TSPAN14: variants seen among roughly 807,000 people sequenced by gnomAD.
The protein encoded by TSPAN14 is tetraspanin-14.
Under a neutral mutation model 36.6 loss-of-function variants are expected in TSPAN14, and 16 were observed. The ratio of observed to expected loss-of-function variants is 0.44; its 90% CI spans 0.30 to 0.66. TSPAN14 has a LOEUF of 0.66. TSPAN14 is among the 30% of genes least tolerant of loss of function. TSPAN14 has a pLI of 0.12. For synonymous variants in TSPAN14, 139 were observed against 143.8 expected, an observed-to-expected ratio of 0.97 and a Z score of 0.24; for missense variants, 231 against 355.1, an observed-to-expected ratio of 0.65 and a Z score of 2.81.
chr10:80,484,071 C>A (rs1229105403), intron 1 of TSPAN14, among the ~76,000 whole-genome samples: 1 of 151,360 alleles, frequency 6.6e-6, no homozygotes, highest in Non-Finnish European at 1.5e-5. Context: ...ATGATGAAAC[C>A]CCGTTTGTAC....
At chr10:80,479,478 A>G (rs1198236873) in intron 1 of TSPAN14, among the ~76,000 whole-genome samples, 1 of 152,244 alleles carries the variant, frequency 6.6e-6, no homozygotes, top group Non-Finnish European at 1.5e-5. Context: ...TATAAAGTGC[A>G]AGGAAGGGAT....
intron 1 of TSPAN14, among the ~76,000 whole-genome samples, chr10:80,482,737 T>C (rs1589260390): frequency 6.9e-6 from 1 of 144,772 alleles, no homozygotes; most frequent in South Asian, 2.2e-4. Flanking sequence ...TTTTCCTTTT[T>C]TTTTTTTTTT....
At chr10:80,504,979 G>C (rs1840206187) in intron 3 of TSPAN14, among the ~76,000 whole-genome samples, 1 of 152,214 alleles carries the variant, frequency 6.6e-6, no homozygotes, top group African/African-American at 2.4e-5. Flanking sequence ...GTATGGGCTG[G>C]GCTGGTTGGG....
At chr10:80,472,940 C>T (rs1049950555) in intron 1 of TSPAN14, among the ~76,000 whole-genome samples, 2 of 152,162 alleles carry the variant, frequency 1.3e-5, no homozygotes, top group Non-Finnish European at 2.9e-5. Context: ...CTGGAGGCAG[C>T]TCCTGAGCCG....
At chr10:80,497,163 G>A (rs1463743527) in intron 2 of TSPAN14, among the ~76,000 whole-genome samples, 1 of 152,052 alleles carries the variant, frequency 6.6e-6, no homozygotes, top group African/African-American at 2.4e-5. Flanking sequence ...TCTATTGTGG[G>A]GATATATAAT....
At chr10:80,518,905 C>T (rs1841098434) in exon 9 of TSPAN14, 1 of 153,134 alleles carries the variant, frequency 6.5e-6, no homozygotes, top group Non-Finnish European at 1.5e-5. Flanking sequence ...AACCAGCCCA[C>T]AACAGCCTCT....
intron 6 of TSPAN14, among the ~76,000 whole-genome samples, 172 bp downstream of exon 6, chr10:80,512,441 C>T (rs887601994): frequency 3.3e-5 from 5 of 152,210 alleles, no homozygotes; most frequent in Non-Finnish European, 5.9e-5. Flanking sequence ...GATATGTGTA[C>T]ATTCTAGGAA....
intron 5 of TSPAN14, 131 bp from the exon 6 acceptor site, chr10:80,512,013 G>A: frequency 7.1e-7 from 1 of 1,410,476 alleles, no homozygotes; most frequent in South Asian, 1.3e-5. Flanking sequence ...GGAGGTAGGG[G>A]GCGGGCCTTG....
intron 1 of TSPAN14, among the ~76,000 whole-genome samples, chr10:80,476,995 A>G (rs953272426): frequency 3.3e-5 from 5 of 152,198 alleles, no homozygotes; most frequent in Admixed American, 6.5e-5. Flanking sequence ...AGCAGAGTGC[A>G]GTTTCTTGCT....
At chr10:80,477,291 T>C (rs1260684514) in intron 1 of TSPAN14, among the ~76,000 whole-genome samples, 3 of 152,222 alleles carry the variant, frequency 2.0e-5, no homozygotes, top group African/African-American at 7.2e-5. Flanking sequence ...TTCTTTTATG[T>C]AATAATGGAC....
intron 1 of TSPAN14, among the ~76,000 whole-genome samples, chr10:80,456,720 GACTT>G (rs1845749432): frequency 6.6e-6 from 1 of 152,198 alleles, no homozygotes. Flanking sequence ...AGTTTATTGA[GACTT>G]ACACCCTAGA....
exon 9 of TSPAN14, chr10:80,520,597 C>G (rs1161492953): frequency 1.9e-6 from 1 of 532,936 alleles, no homozygotes; most frequent in Non-Finnish European, 3.9e-6. Context: ...CCTGGTCCAC[C>G]CCCTCTCAGG....
At chr10:80,502,772 C>T (rs1385910043) in intron 2 of TSPAN14, among the ~76,000 whole-genome samples, 1 of 152,028 alleles carries the variant, frequency 6.6e-6, no homozygotes, top group Non-Finnish European at 1.5e-5. Flanking sequence ...GGGGGCATGG[C>T]CAGGACTGGA....
chr10:80,505,416 G>GA (rs1482228873), intron 3 of TSPAN14, among the ~76,000 whole-genome samples: 2 of 152,154 alleles, frequency 1.3e-5, no homozygotes, highest in Non-Finnish European at 2.9e-5. Context: ...AGTGAGGGCT[G>GA]AAAAAGGCCA....
chr10:80,464,011 A>G (rs10887933), intron 1 of TSPAN14, among the ~76,000 whole-genome samples: 64,641 of 152,050 alleles, frequency 0.43, 14,968 homozygotes, highest in East Asian at 0.85. Flanking sequence ...TGTGCCCCTA[A>G]AAGTGTGAGG....
exon 9 of TSPAN14, chr10:80,518,085 C>A: frequency 8.7e-7 from 1 of 1,146,872 alleles, no homozygotes; most frequent in Non-Finnish European, 1.3e-6. Flanking sequence ...AGAGCCAGTG[C>A]CCCATCTTAA....
chr10:80,454,817 A>C (rs1033019377), intron 1 of TSPAN14, among the ~76,000 whole-genome samples: 16 of 151,624 alleles, frequency 1.1e-4, no homozygotes, highest in Admixed American at 1.0e-3. Context: ...TCAGTCACCC[A>C]CCCTCGGCTC....
chr10:80,520,627 T>C, exon 9 of TSPAN14: 1 of 533,466 alleles, frequency 1.9e-6, no homozygotes, highest in Non-Finnish European at 3.8e-6. Flanking sequence ...ACGTTATTTT[T>C]CCTGTCCCGT....
At chr10:80,500,468 T>C (rs1848447020) in intron 2 of TSPAN14, among the ~76,000 whole-genome samples, 1 of 151,874 alleles carries the variant, frequency 6.6e-6, no homozygotes, top group African/African-American at 2.4e-5. Flanking sequence ...TAGCTGGGAT[T>C]ATAGGCATGT....
Sources: allele counts gnomAD v4.1 joint callset (sites outside exome capture counted in the v4.1 genomes callset), GRCh38; gene constraint gnomAD v4.1.1; transcripts MANE v1.5; gene names NCBI Gene and HGNC (gene_info 2026-07-23, HGNC 2026-07-21).